Variants in IGSF11 observed in about 807,000 individuals in gnomAD.
IGSF11 encodes the protein CXADR like 1.
A neutral mutation model predicts 41.0 loss-of-function variants in IGSF11; 22 were observed. The observed-to-expected ratio is 0.54, with a 90% CI of 0.38 to 0.77. The LOEUF (loss-of-function observed/expected upper bound fraction) is 0.77. Ranked by LOEUF, IGSF11 falls within the 30% of genes least tolerant of loss-of-function variation. The pLI is 0.00. For synonymous variants in IGSF11, 219 were observed against 201.3 expected (o/e 1.09, Z -0.74); for missense variants, 444 against 530.8 (o/e 0.84, Z 1.61).
chr3:119,068,177 G>C (rs1294869311), intron 1 of IGSF11, among the ~76,000 whole-genome samples: 2 of 152,198 alleles, frequency 1.3e-5, no homozygotes, highest in Non-Finnish European at 2.9e-5. Context: ...ACCGTCCATA[G>C]AGCAGAAAAG....
intron 1 of IGSF11, among the ~76,000 whole-genome samples, chr3:118,952,723 A>T (rs1234048557): frequency 2.0e-5 from 3 of 152,136 alleles, no homozygotes; most frequent in Non-Finnish European, 2.9e-5. Flanking sequence ...GTAGATACAC[A>T]AAAATGAGAA....
At chr3:119,050,896 A>T (rs1941594233) in intron 1 of IGSF11, among the ~76,000 whole-genome samples, 1 of 151,716 alleles carries the variant, frequency 6.6e-6, no homozygotes. Flanking sequence ...TATCGCAAGG[A>T]CAAAAAACCA....
At chr3:118,968,699 A>T (rs892578317) in intron 1 of IGSF11, among the ~76,000 whole-genome samples, 3 of 152,238 alleles carry the variant, frequency 2.0e-5, no homozygotes, top group African/African-American at 7.2e-5. Flanking sequence ...TCAATCTGTG[A>T]TGCCCATATT....
At chr3:119,018,024 A>G (rs1160443002) in intron 1 of IGSF11, among the ~76,000 whole-genome samples, 1 of 152,080 alleles carries the variant, frequency 6.6e-6, no homozygotes, top group African/African-American at 2.4e-5. Flanking sequence ...CCTATCACCT[A>G]CACTGTCTAA....
chr3:119,029,212 T>C (rs1576686545), intron 1 of IGSF11, among the ~76,000 whole-genome samples: 1 of 62,760 alleles, frequency 1.6e-5, no homozygotes, highest in East Asian at 3.8e-4. Context: ...ACACACACGG[T>C]AGACATGGTA....
intron 1 of IGSF11, among the ~76,000 whole-genome samples, chr3:119,129,492 T>C (rs2077448344): frequency 6.6e-6 from 1 of 152,084 alleles, no homozygotes; most frequent in Non-Finnish European, 1.5e-5. Flanking sequence ...CAAAAAATAG[T>C]ACTATAAGAT....
At chr3:119,001,525 G>A in intron 1 of IGSF11, among the ~76,000 whole-genome samples, 1 of 142,902 alleles carries the variant, frequency 7.0e-6, no homozygotes, top group Non-Finnish European at 1.5e-5. Context: ...CATTGTGCAG[G>A]TTAGTTACAT....
rs573854610 is a variant in IGSF11 at position 119,079,856 on chromosome 3, G to A, written c.49+25288C>T. 6.6e-5 allele frequency among the ~76,000 whole-genome samples: 10 copies of A among 152,176 alleles called. No homozygotes were observed. In the South Asian group the frequency reaches 1.7e-3, roughly 25 times the overall value. The stretch of plus-strand genomic sequence containing the variant: ...GTGAATACATAGGGACACAAAACAG[G>A]GAACAAAAGACACCAGGGCCTACCT... On this transcript the variant is annotated intron_variant, in intron 1 of 6. Coordinates refer to the IGSF11 transcript ENST00000354673.
intron 1 of IGSF11, among the ~76,000 whole-genome samples, chr3:118,970,716 A>C (rs970626427): frequency 5.3e-5 from 8 of 151,662 alleles, no homozygotes; most frequent in African/African-American, 1.9e-4. Flanking sequence ...TGGTTTTCAA[A>C]TACTACTAGC....
chr3:119,039,052 G>T (rs530366148), upstream of IGSF11, among the ~76,000 whole-genome samples: 5 of 152,278 alleles, frequency 3.3e-5, no homozygotes, highest in South Asian at 1.0e-3. Flanking sequence ...ATGGTGATCC[G>T]ATGAAGTCAG....
At chr3:118,998,711 A>G (rs903576164) in intron 1 of IGSF11, among the ~76,000 whole-genome samples, 1 of 152,148 alleles carries the variant, frequency 6.6e-6, no homozygotes, top group Non-Finnish European at 1.5e-5. Context: ...GTGACAGACT[A>G]AGGTTTTTAT....
chr3:118,934,658 A>G (rs1943106719), intron 1 of IGSF11, among the ~76,000 whole-genome samples: 1 of 152,162 alleles, frequency 6.6e-6, no homozygotes, highest in African/African-American at 2.4e-5. Flanking sequence ...CTTGTCCAAG[A>G]TCAAACTATT....
Position 119,117,485 on chromosome 3 carries a change from C to G in IGSF11, c.-13-12280G>C, listed in dbSNP as rs148742455. On this transcript the variant is annotated intron_variant, in intron 1 of 7. Coordinates refer to the IGSF11 transcript ENST00000425327. ...TAAGACTTATTCACTATCACAAGAA[C>G]AGCACAGGAAAGACCTGCCCCCCAT... 0.015 allele frequency among the ~76,000 whole-genome samples: 2,253 copies of G among 152,240 alleles called. 88 individuals are homozygous for G. In the East Asian group the frequency reaches 0.15, roughly 10 times the overall value.
intron 1 of IGSF11, among the ~76,000 whole-genome samples, chr3:118,954,121 C>A (rs1944787175): frequency 6.6e-6 from 1 of 151,966 alleles, no homozygotes; most frequent in African/African-American, 2.4e-5. Flanking sequence ...ATTACATGTA[C>A]CTTGCCAATT....
chr3:119,008,706 T>G (rs953992468), intron 1 of IGSF11, among the ~76,000 whole-genome samples: 5 of 152,228 alleles, frequency 3.3e-5, no homozygotes, highest in Non-Finnish European at 1.5e-5. Context: ...ATGTGCCAAC[T>G]TGACTGGGCT....
intron 1 of IGSF11, among the ~76,000 whole-genome samples, chr3:119,132,479 C>T (rs1217547395): frequency 6.6e-6 from 1 of 150,878 alleles, no homozygotes; most frequent in Non-Finnish European, 1.5e-5. Flanking sequence ...ACAAAGAAGG[C>T]CATTGCGTAA....
At chr3:118,911,462 T>C (rs1177007931) in intron 4 of IGSF11, among the ~76,000 whole-genome samples, 4 of 152,064 alleles carry the variant, frequency 2.6e-5, no homozygotes, top group Non-Finnish European at 5.9e-5. Context: ...ACACCTATAG[T>C]CCCAGCACTT....
chr3:119,116,146 G>C (rs936654938), intron 1 of IGSF11, among the ~76,000 whole-genome samples: 2 of 152,194 alleles, frequency 1.3e-5, no homozygotes, highest in Admixed American at 6.5e-5. Flanking sequence ...ATTAGCATTT[G>C]AATTGGTGGA....
At chr3:118,953,158 T>C (rs1049996054) in intron 1 of IGSF11, among the ~76,000 whole-genome samples, 2 of 152,196 alleles carry the variant, frequency 1.3e-5, no homozygotes, top group East Asian at 1.9e-4. Flanking sequence ...TGTTTTTCTA[T>C]TCCTGAGTTA....
Sources: gnomAD v4.1 joint callset for allele counts (sites outside exome capture counted in the v4.1 genomes callset) on GRCh38, gnomAD v4.1.1 for gene constraint, MANE v1.5 for transcripts, NCBI Gene and HGNC (gene_info 2026-07-23, HGNC 2026-07-21) for gene names.